MELK: variants seen among roughly 807,000 people sequenced by gnomAD.
MELK encodes pEg3 kinase.
Under a neutral mutation model 85.0 loss-of-function variants are expected in MELK, and 81 were observed. The observed-to-expected ratio is 0.95, with a 90% CI of 0.80 to 1.15. The LOEUF (loss-of-function observed/expected upper bound fraction) is 1.15. Among genes scored for constraint, MELK ranks in the 50% most tolerant of loss-of-function variants. MELK has a pLI of 0.00. For synonymous variants in MELK, 252 were observed against 265.0 expected, an observed-to-expected ratio of 0.95 and a Z score of 0.48; for missense variants, 754 against 777.5, an observed-to-expected ratio of 0.97 and a Z score of 0.36.
Position 36,641,982 on chromosome 9 carries a change from C to A in MELK, c.835-1015C>A, listed in dbSNP as rs190497489. Among the ~76,000 whole-genome samples, 50 of 152,266 alleles carry A rather than the reference C, an allele frequency of 3.3e-4. 1 individual carries two copies. The East Asian group carries it at 9.5e-3, about 29-fold the overall frequency. Reference sequence around the variant, plus strand: ...CTCTTCCTGTGTAATCTTCTGAGCTCCCTTCCAGGTCCAGGCCAGGCTATT... The same window carrying A: ...CTCTTCCTGTGTAATCTTCTGAGCTACCTTCCAGGTCCAGGCCAGGCTATT... On this transcript the variant is annotated intron_variant, in intron 10 of 17. Coordinates refer to ENST00000298048, the MANE Select transcript of MELK (RefSeq NM_014791.4).
intron 6 of MELK, among the ~76,000 whole-genome samples, chr9:36,599,156 C>T (rs1824629524): frequency 6.6e-6 from 1 of 152,014 alleles, no homozygotes; most frequent in African/African-American, 2.4e-5. Context: ...ATTAGTTGGG[C>T]ATGGTGGCAC....
intron 7 of MELK, among the ~76,000 whole-genome samples, chr9:36,603,048 A>T (rs930479742): frequency 1.3e-5 from 2 of 152,142 alleles, no homozygotes; most frequent in African/African-American, 4.8e-5. Context: ...CGTATGCCTG[A>T]TCTCACAAGA....
intron 10 of MELK, among the ~76,000 whole-genome samples, chr9:36,642,321 A>C (rs1829827870): frequency 6.9e-6 from 1 of 144,840 alleles, no homozygotes; most frequent in Non-Finnish European, 1.5e-5. Flanking sequence ...ATAGCCACTG[A>C]TTTTAGATGC....
chr9:36,606,749 AATAT>A (rs966375907), intron 7 of MELK: 109 of 147,834 alleles, frequency 7.4e-4, no homozygotes, highest in Non-Finnish European at 1.4e-3. Flanking sequence ...ATACATATAT[AATAT>A]ATATAATAAA....
chr9:36,666,936 C>T (rs1284868610), intron 14 of MELK, among the ~76,000 whole-genome samples: 2 of 147,562 alleles, frequency 1.4e-5, no homozygotes, highest in Admixed American at 6.8e-5. Context: ...GGTGCGGTGG[C>T]GCTGCCTGTG....
chr9:36,633,130 A>C lies in MELK; in HGVS notation c.764A>C (p.Lys255Thr). 1 of 1,609,858 alleles carries C rather than the reference A, an allele frequency of 6.2e-7. No homozygotes were observed. The highest frequency in any genetic ancestry group is 8.5e-7 in the Non-Finnish European group (1 of 1,179,180). ...QVDPKKRISM[K>T]NLLNHPWIMQ... ...GACCCAAAGAAACGGATTTCTATGAAAAATCTATTGAACCATCCCTGGATC... is the reference window on the plus strand; with the variant it reads ...GACCCAAAGAAACGGATTTCTATGACAAATCTATTGAACCATCCCTGGATC... Residue 255 changes from lysine (K) to threonine (T), a missense_variant, in exon 10 of 18, where the codon AAA becomes ACA. Transcript: ENST00000298048.
At chr9:36,654,019 T>TA (rs1830975700) in intron 12 of MELK, among the ~76,000 whole-genome samples, 1 of 21,198 alleles carries the variant, frequency 4.7e-5, no homozygotes, top group African/African-American at 1.8e-4. Flanking sequence ...TGAAGGGAGA[T>TA]ATCCTGCATG....
At chr9:36,617,737 C>A (rs1159160410) in intron 8 of MELK, among the ~76,000 whole-genome samples, 1 of 152,028 alleles carries the variant, frequency 6.6e-6, no homozygotes, top group African/African-American at 2.4e-5. Flanking sequence ...ATGTTTGATT[C>A]ATCTAGAATT....
intron 5 of MELK, among the ~76,000 whole-genome samples, chr9:36,595,250 C>T (rs1824083008): frequency 6.6e-6 from 1 of 152,042 alleles, no homozygotes. Context: ...ATTCTCCTGC[C>T]TCAGCCTCCC....
intron 7 of MELK, among the ~76,000 whole-genome samples, chr9:36,604,924 T>G (rs1825334906): frequency 6.6e-6 from 1 of 151,884 alleles, no homozygotes; most frequent in South Asian, 2.1e-4. Context: ...ATTATGGGTG[T>G]GAGCCACTGC....
intron 7 of MELK, among the ~76,000 whole-genome samples, 163 bp downstream of exon 7, chr9:36,599,649 A>G (rs967742736): frequency 6.6e-6 from 1 of 152,250 alleles, no homozygotes; most frequent in Admixed American, 6.5e-5. Flanking sequence ...TTACTTATAA[A>G]TGAAATTAAT....
At chr9:36,674,760 A>G in intron 16 of MELK, 74 bp from the exon 17 acceptor site, 1 of 839,748 alleles carries the variant, frequency 1.2e-6, no homozygotes, top group Non-Finnish European at 1.9e-6. Flanking sequence ...GAGTTTTGGA[A>G]CTCTTGATCT....
intron 8 of MELK, among the ~76,000 whole-genome samples, chr9:36,615,747 T>C (rs1342922019): frequency 1.4e-5 from 2 of 145,096 alleles, no homozygotes; most frequent in Admixed American, 6.8e-5. Context: ...TCCCCACATC[T>C]CAGACGATGG....
In MELK at chr9:36,665,582, G is replaced by A; in HGVS notation, c.1408+1G>A. 1 of 1,600,122 alleles carries A rather than the reference G, an allele frequency of 6.2e-7. No individual in the cohort carries two copies. Among genetic ancestry groups the A allele is most frequent in the Non-Finnish European group, 8.5e-7 (1 of 1,170,850 alleles). ...AATCGTTACACTACACCCTCAAAAG[G>A]TATTTGCTAAGTGAATTAAGCAGTA... On this transcript the variant is annotated splice_donor_variant, in intron 14 of 17. Transcript: ENST00000298048. LOFTEE classifies it high-confidence loss of function.
chr9:36,657,122 T>C (rs1831327279), intron 12 of MELK, 119 bp from the exon 13 acceptor site: 2 of 1,173,792 alleles, frequency 1.7e-6, no homozygotes, highest in Middle Eastern at 2.7e-4. Context: ...CACACAGTGA[T>C]AAAATTGCCT....
chr9:36,629,396 ATCTTT>A (rs1439982875), intron 8 of MELK, among the ~76,000 whole-genome samples: 3 of 152,150 alleles, frequency 2.0e-5, no homozygotes, highest in East Asian at 3.8e-4. Flanking sequence ...CAAGTCCCTG[ATCTTT>A]TCTTTGATGA....
intron 10 of MELK, among the ~76,000 whole-genome samples, chr9:36,637,312 A>C (rs1181527221): frequency 6.6e-6 from 1 of 152,216 alleles, no homozygotes; most frequent in Non-Finnish European, 1.5e-5. Flanking sequence ...CTATTTATAG[A>C]TAAGGGAACG....
At chr9:36,581,785 G>A (rs1486476840) in intron 2 of MELK, 46 bp downstream of exon 2, 1 of 1,462,268 alleles carries the variant, frequency 6.8e-7, no homozygotes, top group Non-Finnish European at 9.5e-7. Flanking sequence ...TCAACTATTT[G>A]AGAGTATAGA....
intron 16 of MELK, among the ~76,000 whole-genome samples, chr9:36,672,903 C>A (rs1319616349): frequency 2.0e-5 from 3 of 152,190 alleles, no homozygotes; most frequent in Non-Finnish European, 4.4e-5. Context: ...AGATCATTAA[C>A]ACTTTTTAAT....
Sources: allele counts gnomAD v4.1 joint callset (sites outside exome capture counted in the v4.1 genomes callset), GRCh38; gene constraint gnomAD v4.1.1; transcripts MANE v1.5; gene names NCBI Gene and HGNC (gene_info 2026-07-23, HGNC 2026-07-21).